THAP12: variants seen among roughly 807,000 people sequenced by gnomAD.
THAP12 encodes the protein 52 kDa repressor of the inhibitor of the protein kinase.
THAP12 carries 20 observed loss-of-function variants against 63.0 expected under a neutral mutation model. That is an observed-to-expected ratio of 0.32 (90% CI 0.22 to 0.46). THAP12 has a LOEUF of 0.46. Ranked by LOEUF, THAP12 falls within the 20% of genes least tolerant of loss-of-function variation. THAP12 has a pLI of 1.00. For missense variants in THAP12, 568 were observed against 908.2 expected (o/e 0.63, Z 4.81); for synonymous variants, 264 against 328.4 (o/e 0.80, Z 2.12).
intron 2 of THAP12, chr11:76,361,286 A>T: frequency 2.3e-6 from 1 of 442,950 alleles, no homozygotes; most frequent in East Asian, 3.9e-5. Context: ...AATTGAAGGT[A>T]GGCATAAAAT....
chr11:76,364,433 CTG>C (rs1395705164), intron 2 of THAP12: 2 of 435,698 alleles, frequency 4.6e-6, no homozygotes, highest in Admixed American at 5.3e-5. Context: ...CAAAATGTAT[CTG>C]AAAAAAATAT....
At chr11:76,372,408 A>AT (rs1196079741) in intron 1 of THAP12, among the ~76,000 whole-genome samples, 1 of 520 alleles carries the variant, frequency 1.9e-3, no homozygotes, top group Non-Finnish European at 4.0e-3. Flanking sequence ...AATTGCTTCT[A>AT]AAAAAAAAAA....
chr11:76,380,753 A>G lies in THAP12; in HGVS notation c.84T>C (p.Pro28=). The G allele has an allele frequency of 6.9e-7, 1 of 1,449,436 alleles. No individual in the cohort carries two copies. The highest frequency in any genetic ancestry group is 9.1e-7 in the Non-Finnish European group (1 of 1,093,372). 89.8% of individuals were successfully genotyped at this position (1,449,436 alleles called of 1,614,324 possible). A position where few individuals can be genotyped will look rare whatever the true frequency, so the allele number is the denominator to read the frequency against. ...DLAFFRFPRD[P]ARCQKWVENC... ...GCTCTGCGCCCGCCGCTTACCTGGC[A>G]GGGTCCCGCGGGAACCTGAAGAAGG... The change falls in exon 1 of 5, where the codon CCT becomes CCC. Residue 28 remains proline (P), a synonymous_variant. Coordinates refer to ENST00000260045, the MANE Select transcript of THAP12 (RefSeq NM_004705.4).
Position 76,360,945 on chromosome 11 carries a change from C to T in THAP12, c.318+11G>A. 1 of 1,551,806 alleles carries T rather than the reference C, an allele frequency of 6.4e-7. No homozygotes were observed. Among genetic ancestry groups the T allele is most frequent in the Non-Finnish European group, 8.9e-7 (1 of 1,125,862 alleles). Reference sequence around the variant, plus strand: ...GGGGAAGGTGGGAAAGCTGAAAGTACATAGACATACCAGTTCTTTTATTCG... The same window carrying T: ...GGGGAAGGTGGGAAAGCTGAAAGTATATAGACATACCAGTTCTTTTATTCG... On this transcript the variant is annotated intron_variant, in intron 3 of 4. Transcript: ENST00000260045.
intron 1 of THAP12, among the ~76,000 whole-genome samples, chr11:76,380,159 A>C (rs985498891): frequency 3.9e-5 from 6 of 152,166 alleles, no homozygotes; most frequent in Non-Finnish European, 1.5e-5. Flanking sequence ...CCACGCCCTC[A>C]CGCGTACACC....
At chr11:76,367,683 A>G (rs546307583) in intron 1 of THAP12, among the ~76,000 whole-genome samples, 3 of 152,182 alleles carry the variant, frequency 2.0e-5, no homozygotes, top group South Asian at 2.1e-4. Flanking sequence ...TTGGCCTCCC[A>G]AAGTGCTAGG....
intron 2 of THAP12, chr11:76,364,413 G>A (rs1193979130): frequency 2.3e-6 from 1 of 439,080 alleles, no homozygotes; most frequent in South Asian, 1.6e-5. Context: ...TTAGTTTTCT[G>A]ATGCCTCTGC....
intron 1 of THAP12, 126 bp downstream of exon 1, chr11:76,380,622 C>CGGCA (rs1209982213): frequency 1.5e-6 from 1 of 676,644 alleles, no homozygotes; most frequent in African/African-American, 1.9e-5. Context: ...CTGGGGTCGA[C>CGGCA]GGCAGTGCGC....
In THAP12 at chr11:76,350,106, A is replaced by G. The variant is rs569594571; in HGVS notation, c.*758T>C. The G allele has an allele frequency of 2.6e-5, 4 of 152,866 alleles. No individual in the cohort carries two copies. Among genetic ancestry groups the G allele is most frequent in the African/African-American group, 9.6e-5 (4 of 41,560 alleles). 9.5% of individuals were successfully genotyped at this position (152,866 alleles called of 1,614,324 possible). The stretch of plus-strand genomic sequence containing the variant: ...TTCCAGGTTTTGCTTATAAATCAAG[A>G]TGAGGCAGTATATAAGAGTCATGGA... On this transcript the variant is annotated 3_prime_UTR_variant, in exon 5 of 5. Transcript: ENST00000260045.
chr11:76,373,490 G>C (rs561312464), intron 1 of THAP12, among the ~76,000 whole-genome samples: 54 of 151,224 alleles, frequency 3.6e-4, no homozygotes, highest in African/African-American at 1.3e-3. Context: ...CTGAACAAGG[G>C]GGGAATGCTT....
In THAP12 at chr11:76,352,617, T is replaced by C. The variant is rs1303899570; in HGVS notation, c.533A>G (p.Lys178Arg). 9 of 1,611,888 alleles carry C rather than the reference T, an allele frequency of 5.6e-6. No homozygotes were observed. Among genetic ancestry groups the C allele is most frequent in the East Asian group, 2.2e-5 (1 of 44,902 alleles). ...ATGTCCATCCAGAGGTATGTTTTGCTTTCCCATCAGAATCAAGATTTCAAA... is the reference window on the plus strand; with the variant it reads ...ATGTCCATCCAGAGGTATGTTTTGCCTTCCCATCAGAATCAAGATTTCAAA... ...SLFEILILMG[K>R]QNIPLDGHEA... is the part of the protein sequence containing the mutation. The change falls in exon 5 of 5, where the codon AAG becomes AGG. Residue 178 changes from lysine (K) to arginine (R), a missense_variant. Coordinates refer to ENST00000260045, the MANE Select transcript of THAP12 (RefSeq NM_004705.4).
intron 3 of THAP12, 100 bp from the exon 4 acceptor site, chr11:76,355,754 T>A: frequency 1.1e-6 from 1 of 916,160 alleles, no homozygotes; most frequent in African/African-American, 1.7e-5. Flanking sequence ...CTATTCTGAG[T>A]CAATTTAATT....
chr11:76,351,977 G>A lies in THAP12; in HGVS notation c.1173C>T (p.Phe391=), dbSNP rs1338848375. ...CTAAAAGCAGTTGTGGTGATCGATG[G>A]AAAAAAGAACAAACTTCCTCAATTG... The part of the protein sequence containing the change: ...LGTIEEVCSF[F]HRSPQLLLEL... The change falls in exon 5 of 5, where the codon TTC becomes TTT. Residue 391 remains phenylalanine, a synonymous_variant. Transcript: ENST00000260045. 6.2e-7 allele frequency: 1 copy of A among 1,604,528 alleles called. No individual in the cohort carries two copies. Among genetic ancestry groups the A allele is most frequent in the Non-Finnish European group, 8.5e-7 (1 of 1,177,454 alleles).
chr11:76,376,059 G>C (rs777166450), intron 1 of THAP12, among the ~76,000 whole-genome samples: 1 of 152,154 alleles, frequency 6.6e-6, no homozygotes, highest in Non-Finnish European at 1.5e-5. Context: ...GGAAGGGCAG[G>C]GGAATGGGAG....
At position 76,352,249 on chromosome 11, in the gene THAP12, C is replaced by T. The variant is rs776770716; in HGVS notation, c.901G>A (p.Ala301Thr). 1 of 1,611,888 alleles carries T rather than the reference C, an allele frequency of 6.2e-7. No homozygotes were observed. The highest frequency in any genetic ancestry group is 8.5e-7 in the Non-Finnish European group (1 of 1,179,802). The change falls in exon 5 of 5, where the codon GCC becomes ACC. Residue 301 changes from alanine (A) to threonine (T), a missense_variant. Coordinates refer to ENST00000260045, the MANE Select transcript of THAP12 (RefSeq NM_004705.4). The part of the protein sequence containing the change: ...EEFIGFLPYE[A>T]DAEILAVKFH... ...TTCACAGCCAAAATTTCTGCATCGGCTTCATAAGGCAGGAAGCCTATAAAT... is the reference window on the plus strand; with the variant it reads ...TTCACAGCCAAAATTTCTGCATCGGTTTCATAAGGCAGGAAGCCTATAAAT...
At chr11:76,375,987 T>C (rs1377845933) in intron 1 of THAP12, among the ~76,000 whole-genome samples, 1 of 152,122 alleles carries the variant, frequency 6.6e-6, no homozygotes, top group Non-Finnish European at 1.5e-5. Context: ...TCCACCAATA[T>C]GAGGAATCTA....
intron 1 of THAP12, among the ~76,000 whole-genome samples, chr11:76,375,481 G>A (rs1053525633): frequency 6.6e-5 from 10 of 150,412 alleles, no homozygotes; most frequent in African/African-American, 9.8e-5. Flanking sequence ...TTAATGCCAC[G>A]TTTTCTAAAA....
intron 2 of THAP12, among the ~76,000 whole-genome samples, chr11:76,361,568 C>T (rs966887407): frequency 1.3e-5 from 2 of 152,210 alleles, no homozygotes; most frequent in African/African-American, 4.8e-5. Context: ...GTGAGTGACT[C>T]ACTAAGACAC....
chr11:76,375,620 T>A (rs1488475958), intron 1 of THAP12, among the ~76,000 whole-genome samples: 1 of 152,002 alleles, frequency 6.6e-6, no homozygotes, highest in Admixed American at 6.6e-5. Context: ...GACTGGGAAA[T>A]GTACTGTTTT....
Sources: allele counts gnomAD v4.1 joint callset (sites outside exome capture counted in the v4.1 genomes callset), GRCh38; gene constraint gnomAD v4.1.1; transcripts MANE v1.5; gene names NCBI Gene and HGNC (gene_info 2026-07-23, HGNC 2026-07-21).